HRH1: variants seen among roughly 807,000 people sequenced by gnomAD.
HRH1 encodes the protein histamine H1 receptor.
A neutral mutation model predicts 10.3 loss-of-function variants in HRH1; 6 were observed. The ratio of observed to expected loss-of-function variants is 0.58; its 90% CI spans 0.32 to 1.15. The LOEUF (loss-of-function observed/expected upper bound fraction) is 1.15, where lower values mean the gene tolerates loss of function less well. Ranked by LOEUF, HRH1 falls within the 50% of genes most tolerant of loss-of-function variation. The probability of loss-of-function intolerance (pLI) is 0.05; values close to 1 mark genes in which losing one functional copy is unlikely to be tolerated. For synonymous variants in HRH1, 242 were observed against 236.7 expected (o/e 1.02, Z -0.21); for missense variants, 514 against 615.3 (o/e 0.84, Z 1.74).
intron 1 of HRH1, among the ~76,000 whole-genome samples, chr3:11,249,358 G>C (rs564875649): frequency 1.4e-5 from 2 of 144,666 alleles, no homozygotes; most frequent in Admixed American, 1.4e-4. Context: ...AGCCGAGATC[G>C]CGCCACTGCA....
At chr3:11,178,125 G>A (rs1019512963) in intron 1 of HRH1, among the ~76,000 whole-genome samples, 2 of 152,232 alleles carry the variant, frequency 1.3e-5, no homozygotes, top group South Asian at 2.1e-4. Flanking sequence ...CCCTGTCATC[G>A]TCCTTCAGCT....
At chr3:11,186,339 G>C (rs1030750552) in intron 1 of HRH1, among the ~76,000 whole-genome samples, 4 of 152,212 alleles carry the variant, frequency 2.6e-5, no homozygotes, top group Non-Finnish European at 5.9e-5. Flanking sequence ...GGAGAGAGCT[G>C]TTCTGCCATC....
chr3:11,259,286 G>A lies in HRH1; in HGVS notation c.249G>A (p.Met83Ile). The A allele has an allele frequency of 1.2e-6, 2 of 1,613,622 alleles. No homozygotes were observed. The highest frequency in any genetic ancestry group is 2.2e-5 in the South Asian group (2 of 91,042). The change falls in exon 2 of 2, where the codon ATG becomes ATA. Residue 83 changes from methionine to isoleucine, a missense_variant. Physicochemically the swap from Met to Ile is conservative, Grantham distance 10. Coordinates refer to ENST00000431010, the MANE Select transcript of HRH1 (RefSeq NM_001098212.2). The surrounding 1 kb of genome is among the most constrained non-coding windows in gnomAD (Gnocchi z 4.6). ...DLIVGAVVMP[M>I]NILYLLMSKW... is the part of the protein sequence containing the mutation. ...TCGTGGGTGCCGTCGTCATGCCTATGAACATCCTCTACCTGCTCATGTCCA... is the reference window on the plus strand; with the variant it reads ...TCGTGGGTGCCGTCGTCATGCCTATAAACATCCTCTACCTGCTCATGTCCA...
chr3:11,193,012 C>A (rs1373455279), intron 1 of HRH1, among the ~76,000 whole-genome samples: 1 of 152,192 alleles, frequency 6.6e-6, no homozygotes, highest in Non-Finnish European at 1.5e-5. Flanking sequence ...TTTTAGGAGA[C>A]CAAGTTTAGT....
intron 1 of HRH1, among the ~76,000 whole-genome samples, chr3:11,155,235 G>T (rs772013151): frequency 2.0e-5 from 3 of 152,176 alleles, no homozygotes; most frequent in Non-Finnish European, 2.9e-5. Flanking sequence ...TGTGGAGCAA[G>T]AGGCGGATCA....
chr3:11,207,130 G>A (rs1049017195), intron 1 of HRH1, among the ~76,000 whole-genome samples: 4 of 152,078 alleles, frequency 2.6e-5, no homozygotes, highest in African/African-American at 4.8e-5. Context: ...TTGAAGTTTG[G>A]GGTCTGAGGG....
At chr3:11,194,983 C>G (rs563124391) in intron 1 of HRH1, among the ~76,000 whole-genome samples, 8 of 152,282 alleles carry the variant, frequency 5.3e-5, no homozygotes, top group Admixed American at 3.9e-4. Flanking sequence ...AACATCATCA[C>G]TGTGCTTACC....
chr3:11,216,203 A>G (rs1416429449), intron 1 of HRH1, among the ~76,000 whole-genome samples: 2 of 152,178 alleles, frequency 1.3e-5, no homozygotes, highest in Non-Finnish European at 2.9e-5. Flanking sequence ...ACTATGGAAA[A>G]CAGTATGGCA....
chr3:11,207,314 T>C (rs998408904), intron 1 of HRH1, among the ~76,000 whole-genome samples: 10 of 151,824 alleles, frequency 6.6e-5, no homozygotes, highest in Admixed American at 2.6e-4. Context: ...CCTGTAATCC[T>C]AGCACTTTGG....
intron 1 of HRH1, among the ~76,000 whole-genome samples, chr3:11,241,957 A>C (rs1575037475): frequency 6.6e-6 from 1 of 152,140 alleles, no homozygotes; most frequent in South Asian, 2.1e-4. Flanking sequence ...TCTAAAATGC[A>C]CCAGTCAGCA....
In HRH1 at chr3:11,223,170, C is replaced by A. The variant is rs1424605989; in HGVS notation, c.-35-35833C>A. Among the ~76,000 whole-genome samples the A allele has an allele frequency of 8.4e-5, 9 of 107,132 alleles. No homozygotes were observed. In the Admixed American group the frequency reaches 1.3e-3, roughly 16 times the overall value. The allele number at this position is 107,132 out of a possible 152,430, so 70.3% of individuals were successfully genotyped here. On this transcript the variant is annotated intron_variant, in intron 1 of 1. Transcript: ENST00000431010. ...ATCACACTCCAGCCTGGCGACAAAG[C>A]GAGACTTCGTCTCAAAAAAAAAAAA...
At chr3:11,207,303 G>A (rs1015803851) in intron 1 of HRH1, among the ~76,000 whole-genome samples, 4 of 152,074 alleles carry the variant, frequency 2.6e-5, no homozygotes, top group Admixed American at 6.6e-5. Context: ...GGTGTCCCAC[G>A]CCTGTAATCC....
At chr3:11,182,848 C>T (rs1267550697) in intron 1 of HRH1, among the ~76,000 whole-genome samples, 2 of 152,200 alleles carry the variant, frequency 1.3e-5, no homozygotes, top group African/African-American at 4.8e-5. Flanking sequence ...TAGGAAGTGA[C>T]AGAATCAGTA....
intron 1 of HRH1, among the ~76,000 whole-genome samples, chr3:11,228,357 G>C (rs1462488079): frequency 6.6e-6 from 1 of 152,074 alleles, no homozygotes; most frequent in East Asian, 1.9e-4. Context: ...CTCCAGCCTG[G>C]GCAACAGAAC....
intron 1 of HRH1, among the ~76,000 whole-genome samples, chr3:11,236,552 G>A (rs541747999): frequency 2.0e-5 from 3 of 152,316 alleles, no homozygotes; most frequent in South Asian, 4.1e-4. Flanking sequence ...TCTGTACCTG[G>A]CAAGAATATT....
intron 1 of HRH1, among the ~76,000 whole-genome samples, chr3:11,243,614 C>T (rs1358167807): frequency 2.6e-5 from 4 of 152,218 alleles, no homozygotes; most frequent in Non-Finnish European, 4.4e-5. Flanking sequence ...CCAGACTCAT[C>T]GTTCTGTGCT....
chr3:11,191,855 A>G (rs1559265231), intron 1 of HRH1, among the ~76,000 whole-genome samples: 1 of 152,204 alleles, frequency 6.6e-6, no homozygotes, highest in Non-Finnish European at 1.5e-5. Context: ...TAGCAACCCT[A>G]GTCCCTAGGA....
At chr3:11,159,605 G>A (rs1312624822) in intron 1 of HRH1, among the ~76,000 whole-genome samples, 2 of 152,114 alleles carry the variant, frequency 1.3e-5, no homozygotes, top group Non-Finnish European at 2.9e-5. Flanking sequence ...AAACCCTTTT[G>A]TTTAGGATTT....
intron 1 of HRH1, among the ~76,000 whole-genome samples, chr3:11,243,309 C>T (rs937866758): frequency 6.6e-5 from 10 of 152,242 alleles, no homozygotes; most frequent in East Asian, 5.8e-4. Context: ...TGATGGCAAG[C>T]GAAAATGCAG....
Sources: gnomAD v4.1 joint callset for allele counts (sites outside exome capture counted in the v4.1 genomes callset) on GRCh38, gnomAD v4.1.1 for gene constraint, Gnocchi (gnomAD v3.1) non-coding constraint, MANE v1.5 for transcripts, NCBI Gene and HGNC (gene_info 2026-07-23, HGNC 2026-07-21) for gene names.